TRAPPC12: variants seen among roughly 807,000 people sequenced by gnomAD.
The protein encoded by TRAPPC12 is TPR repeat protein 15.
TRAPPC12 carries 61 observed loss-of-function variants against 69.2 expected under a neutral mutation model. That is an observed-to-expected ratio of 0.88 (90% CI 0.72 to 1.09). The LOEUF (loss-of-function observed/expected upper bound fraction) is 1.09, where lower values mean the gene tolerates loss of function less well. TRAPPC12 is among the 50% of genes least tolerant of loss of function. The pLI is 0.00. For synonymous variants in TRAPPC12, 469 were observed against 438.9 expected (o/e 1.07, Z -0.86); for missense variants, 1,101 against 1,016.4 (o/e 1.08, Z -1.13).
chr2:3,454,548 G>A (rs1340864576), intron 6 of TRAPPC12: 1 of 152,756 alleles, frequency 6.5e-6, no homozygotes, highest in Non-Finnish European at 1.5e-5. Flanking sequence ...GGGTAGGTGG[G>A]TCTGGGCCAA....
intron 9 of TRAPPC12, among the ~76,000 whole-genome samples, chr2:3,474,244 C>T (rs1373502473): frequency 6.6e-6 from 1 of 152,154 alleles, no homozygotes; most frequent in East Asian, 1.9e-4. Context: ...AATTGACTCT[C>T]GATCACAAGG....
rs557739555 is a variant in TRAPPC12, at chr2:3,383,787, G to A, written c.-4-3833G>A. 4.0e-5 allele frequency among the ~76,000 whole-genome samples: 6 copies of A among 149,360 alleles called. No homozygotes were observed. The Admixed American group carries it at 4.1e-4, about 10-fold the overall frequency. ...ATTCCAAGTTTATTTTTTCCCAGCT[G>A]CATGATTTGTCTACACATCACTCAA... On this transcript the variant is annotated intron_variant, in intron 1 of 11. Coordinates refer to ENST00000324266, the MANE Select transcript of TRAPPC12 (RefSeq NM_016030.6).
chr2:3,441,709 T>G (rs1182944653), intron 5 of TRAPPC12, among the ~76,000 whole-genome samples: 1 of 150,804 alleles, frequency 6.6e-6, no homozygotes, highest in Non-Finnish European at 1.5e-5. Context: ...TAAAATAATA[T>G]TTTTATTATT....
intron 8 of TRAPPC12, among the ~76,000 whole-genome samples, chr2:3,464,220 C>T (rs1477890106): frequency 2.0e-5 from 3 of 152,194 alleles, no homozygotes; most frequent in Non-Finnish European, 4.4e-5. Context: ...CGCACTCGCA[C>T]AGCTAGACAG....
intron 1 of TRAPPC12, among the ~76,000 whole-genome samples, chr2:3,383,877 T>G (rs1226352243): frequency 3.7e-4 from 6 of 16,220 alleles, no homozygotes; most frequent in Non-Finnish European, 5.1e-4. Flanking sequence ...TCTTGTTTTT[T>G]TTTTTTTTTT....
At position 3,424,549 on chromosome 2, in the gene TRAPPC12, C is replaced by T; in HGVS notation, c.1303C>T (p.Leu435=). Residue 435 remains leucine, a synonymous_variant, in exon 5 of 12, where the codon CTA becomes TTA. Coordinates refer to ENST00000324266, the MANE Select transcript of TRAPPC12 (RefSeq NM_016030.6). ...LQLWFVRLAL[L]VKLGLFQNAE... is the part of the protein sequence containing the mutation. ...GCTCTGGTTTGTCAGGCTGGCACTA[C>T]TAGTGAAGTTGGGCCTTTTCCAGAA... 1 of 1,613,702 alleles carries T rather than the reference C, an allele frequency of 6.2e-7. No homozygotes were observed. Among genetic ancestry groups the T allele is most frequent in the South Asian group, 1.1e-5 (1 of 91,012 alleles).
At chr2:3,444,033 G>A (rs1664373973) in intron 6 of TRAPPC12, 142 bp downstream of exon 6, 3 of 631,972 alleles carry the variant, frequency 4.7e-6, no homozygotes, top group Non-Finnish European at 8.4e-6. Flanking sequence ...AGGTGACCCG[G>A]TTTGTGTGGC....
chr2:3,460,215 A>G, intron 7 of TRAPPC12, 48 bp from the exon 8 acceptor site: 1 of 871,522 alleles, frequency 1.1e-6, no homozygotes, highest in South Asian at 1.3e-5. Flanking sequence ...AGGGCTAGAA[A>G]GAGCCTCGAA....
chr2:3,478,169 C>T (rs1041334886), intron 10 of TRAPPC12: 5 of 167,128 alleles, frequency 3.0e-5, no homozygotes, highest in African/African-American at 1.2e-4. Context: ...GGATCCCGTG[C>T]TCTGGTGTTC....
intron 5 of TRAPPC12, among the ~76,000 whole-genome samples, chr2:3,435,829 T>C (rs994389862): frequency 8.5e-5 from 13 of 152,362 alleles, no homozygotes; most frequent in African/African-American, 2.4e-4. Flanking sequence ...TGATATGTAA[T>C]GAATGCACTA....
intron 8 of TRAPPC12, among the ~76,000 whole-genome samples, chr2:3,464,196 T>C (rs1558404342): frequency 6.6e-6 from 1 of 151,296 alleles, no homozygotes; most frequent in African/African-American, 2.5e-5. Context: ...CACACACGCT[T>C]ACACACACAT....
intron 3 of TRAPPC12, among the ~76,000 whole-genome samples, chr2:3,419,582 A>G (rs982270700): frequency 2.0e-5 from 3 of 151,524 alleles, no homozygotes; most frequent in African/African-American, 7.3e-5. Flanking sequence ...GCCGCACACC[A>G]GCTAGTGAAG....
intron 2 of TRAPPC12, among the ~76,000 whole-genome samples, chr2:3,400,839 C>A (rs1164503170): frequency 6.6e-6 from 1 of 152,226 alleles, no homozygotes; most frequent in Non-Finnish European, 1.5e-5. Flanking sequence ...AAGGCTGGCT[C>A]GCCCAGCATC....
At chr2:3,404,099 G>A (rs781549761) in intron 3 of TRAPPC12, among the ~76,000 whole-genome samples, 15 of 152,128 alleles carry the variant, frequency 9.9e-5, no homozygotes, top group South Asian at 2.1e-4. Flanking sequence ...TACGCTGACC[G>A]GGCCACCTGG....
chr2:3,451,119 A>G (rs1038626186), intron 6 of TRAPPC12, among the ~76,000 whole-genome samples: 3 of 152,350 alleles, frequency 2.0e-5, no homozygotes, highest in Non-Finnish European at 2.9e-5. Flanking sequence ...ATATGGAGTC[A>G]AGCAGCTGGG....
chr2:3,399,645 G>A (rs1661314366), intron 2 of TRAPPC12, among the ~76,000 whole-genome samples: 1 of 152,210 alleles, frequency 6.6e-6, no homozygotes, highest in Non-Finnish European at 1.5e-5. Context: ...GTAGAAGGGA[G>A]GCAGCAGAGC....
chr2:3,424,549 C>G lies in TRAPPC12; in HGVS notation c.1303C>G (p.Leu435Val). 1 of 1,613,702 alleles carries G rather than the reference C, an allele frequency of 6.2e-7. No individual in the cohort carries two copies. Among genetic ancestry groups the G allele is most frequent in the Non-Finnish European group, 8.5e-7 (1 of 1,179,922 alleles). ...LQLWFVRLALLVKLGLFQNAE... is the reference protein window; with the variant it reads ...LQLWFVRLALVVKLGLFQNAE... Reference sequence around the variant, plus strand: ...GCTCTGGTTTGTCAGGCTGGCACTACTAGTGAAGTTGGGCCTTTTCCAGAA... The same window carrying G: ...GCTCTGGTTTGTCAGGCTGGCACTAGTAGTGAAGTTGGGCCTTTTCCAGAA... Residue 435 changes from leucine to valine, a missense_variant, in exon 5 of 12, where the codon CTA becomes GTA. Coordinates refer to ENST00000324266, the MANE Select transcript of TRAPPC12 (RefSeq NM_016030.6).
chr2:3,380,037 G>T (rs1660131798), intron 1 of TRAPPC12, among the ~76,000 whole-genome samples, 161 bp downstream of exon 1: 1 of 152,040 alleles, frequency 6.6e-6, no homozygotes, highest in Admixed American at 6.5e-5. Flanking sequence ...CCACCCAAGG[G>T]CGTGTGTGCT....
At chr2:3,463,632 C>T (rs553832649) in intron 8 of TRAPPC12, among the ~76,000 whole-genome samples, 61 of 151,294 alleles carry the variant, frequency 4.0e-4, no homozygotes, top group Admixed American at 4.0e-3. Context: ...TAGGGTGATG[C>T]GGCTGGCCAC....
Sources: gnomAD v4.1 joint callset for allele counts (sites outside exome capture counted in the v4.1 genomes callset) on GRCh38, gnomAD v4.1.1 for gene constraint, MANE v1.5 for transcripts, NCBI Gene and HGNC (gene_info 2026-07-23, HGNC 2026-07-21) for gene names.